VWA3A: variants seen among roughly 807,000 people sequenced by gnomAD.
The protein encoded by VWA3A is von Willebrand factor A domain containing 3A.
A neutral mutation model predicts 160.4 loss-of-function variants in VWA3A; 134 were observed. The ratio of observed to expected loss-of-function variants is 0.84; its 90% CI spans 0.73 to 0.96. The LOEUF is 0.96. Among genes scored for constraint, VWA3A ranks in the 40% least tolerant of loss-of-function variants. VWA3A has a pLI of 0.00. For synonymous variants in VWA3A, 476 were observed against 543.4 expected (o/e 0.88, Z 1.72); for missense variants, 1,310 against 1,447.9 (o/e 0.90, Z 1.55).
intron 6 of VWA3A, 89 bp downstream of exon 6, chr16:22,103,618 A>G (rs370061878): frequency 2.1e-6 from 3 of 1,444,160 alleles, no homozygotes; most frequent in East Asian, 2.5e-5. Context: ...GTAGACCTCC[A>G]ATATAAATTG....
In VWA3A at chr16:22,141,711, A is replaced by C. The variant is rs773764510; in HGVS notation, c.2494+19A>C. Reference sequence around the variant, plus strand: ...GACGTGGGTAAGTTAGAGGCTATACAGGTGTCTGGACAGCCCCCTGGCCCT... The same window carrying C: ...GACGTGGGTAAGTTAGAGGCTATACCGGTGTCTGGACAGCCCCCTGGCCCT... On this transcript the variant is annotated intron_variant, in intron 24 of 33. Coordinates refer to ENST00000389398, the MANE Select transcript of VWA3A (RefSeq NM_173615.5). The C allele has an allele frequency of 3.8e-6, 6 of 1,590,602 alleles. No homozygotes were observed. Among genetic ancestry groups the C allele is most frequent in the South Asian group, 1.1e-5 (1 of 87,510 alleles).
At chr16:22,114,995 A>G (rs2045609800) in intron 8 of VWA3A, among the ~76,000 whole-genome samples, 2 of 151,834 alleles carry the variant, frequency 1.3e-5, no homozygotes, top group African/African-American at 4.8e-5. Flanking sequence ...TTTAGTAGAG[A>G]TGGGGTTCAC....
At position 22,148,157 on chromosome 16, in the gene VWA3A, A is replaced by T; in HGVS notation, c.2840-5A>T. 1 of 1,594,696 alleles carries T rather than the reference A, an allele frequency of 6.3e-7. No homozygotes were observed. The highest frequency in any genetic ancestry group is 2.3e-5 in the East Asian group (1 of 44,196). On this transcript the variant is annotated splice_polypyrimidine_tract_variant and splice_region_variant and intron_variant, in intron 27 of 33. Coordinates refer to ENST00000389398, the MANE Select transcript of VWA3A (RefSeq NM_173615.5). ...CCTGCCTCTTCCCCACCTGTCTCGG[A>T]GCAGGGAGCCGCCGACTGTTTGGCA...
chr16:22,138,250 C>A, intron 21 of VWA3A, 110 bp from the exon 22 acceptor site: 1 of 1,348,156 alleles, frequency 7.4e-7, no homozygotes, highest in Non-Finnish European at 1.0e-6. Context: ...AAAGAGGAGT[C>A]CAGGGGACAT....
chr16:22,148,137 C>T (rs2046286503), intron 27 of VWA3A, 25 bp from the exon 28 acceptor site: 2 of 1,578,454 alleles, frequency 1.3e-6, no homozygotes, highest in Admixed American at 1.8e-5. Context: ...CCCTCCCTGC[C>T]TCTTCCCCAC....
intron 19 of VWA3A, among the ~76,000 whole-genome samples, chr16:22,132,318 G>A (rs2045962553): frequency 6.6e-6 from 1 of 151,540 alleles, no homozygotes; most frequent in Non-Finnish European, 1.5e-5. Flanking sequence ...GGAGGGGGAG[G>A]TTGCGGTGAG....
chr16:22,142,805 T>C, intron 25 of VWA3A, 40 bp downstream of exon 25: 1 of 1,444,366 alleles, frequency 6.9e-7, no homozygotes, highest in Non-Finnish European at 9.5e-7. Flanking sequence ...CATTAAGCAA[T>C]AGAGTAGTTC....
rs762016271 is a variant in VWA3A at position 22,100,229 on chromosome 16, G to A, written c.261G>A (p.Trp87Ter). ...GGAGTGAGACCCAGTCTTCAGATTGGGAGGACTCTGAAGACTGGCTTTCGG... is the reference window on the plus strand; with the variant it reads ...GGAGTGAGACCCAGTCTTCAGATTGAGAGGACTCTGAAGACTGGCTTTCGG... ...LQGSETQSSD[W>*]EDSEDWLSAH... Residue 87 changes from tryptophan to a stop codon, truncating the protein, a stop_gained, in exon 4 of 34, where the codon TGG (tryptophan) becomes TGA (stop). Transcript: ENST00000389398. LOFTEE classifies it high-confidence loss of function. 3 of 1,550,492 alleles carry A rather than the reference G, an allele frequency of 1.9e-6. No homozygotes were observed. Among genetic ancestry groups the A allele is most frequent in the Non-Finnish European group, 1.7e-6 (2 of 1,146,914 alleles).
intron 19 of VWA3A, among the ~76,000 whole-genome samples, chr16:22,132,323 G>A (rs1000692924): frequency 2.0e-5 from 3 of 151,552 alleles, no homozygotes; most frequent in East Asian, 1.9e-4. Flanking sequence ...GGGAGGTTGC[G>A]GTGAGCTGAG....
chr16:22,092,862 T>C (rs1901380783), intron 1 of VWA3A, among the ~76,000 whole-genome samples: 1 of 152,036 alleles, frequency 6.6e-6, no homozygotes, highest in African/African-American at 2.4e-5. Context: ...CAACTCCATA[T>C]GACCAAGTGA....
rs374491701 is a variant in VWA3A at position 22,131,743 on chromosome 16, G to T, written c.1872+14G>T. 1 of 1,608,972 alleles carries T rather than the reference G, an allele frequency of 6.2e-7. No homozygotes were observed. The highest frequency in any genetic ancestry group is 1.1e-5 in the South Asian group (1 of 90,254). On this transcript the variant is annotated intron_variant, in intron 19 of 33. Transcript: ENST00000389398. ...GACCAGGACATGGTGGGTAGGCCAC[G>T]TCCTGGGTGTCCATTATCCTTTGCG...
intron 14 of VWA3A, among the ~76,000 whole-genome samples, chr16:22,122,749 A>G (rs948797766): frequency 2.0e-5 from 3 of 152,158 alleles, no homozygotes; most frequent in Non-Finnish European, 2.9e-5. Flanking sequence ...TGTGCTCTCT[A>G]TTACTAAAAC....
Position 22,115,419 on chromosome 16 carries a change from G to A in VWA3A, c.762G>A (p.Lys254=). The A allele has an allele frequency of 6.2e-7, 1 of 1,606,144 alleles. No individual in the cohort carries two copies. The highest frequency in any genetic ancestry group is 8.5e-7 in the Non-Finnish European group (1 of 1,176,426). The change falls in exon 9 of 34, where the codon AAG becomes AAA. Residue 254 remains lysine, a synonymous_variant. Transcript: ENST00000389398. ...DGGSNLLQAL[K]KIFTLKGLDS... is the part of the protein sequence containing the mutation. ...GCAGCAACCTGCTACAAGCTCTGAA[G>A]AAGATCTTCACTCTCAAGGGACTGG...
chr16:22,133,113 C>T lies in VWA3A; in HGVS notation c.2068+18C>T. 1.2e-6 allele frequency: 2 copies of T among 1,603,856 alleles called. No homozygotes were observed. The highest frequency in any genetic ancestry group is 1.7e-6 in the Non-Finnish European group (2 of 1,175,066). ...AGACACAGGTACATGACTGTTTCCT[C>T]ATCCCTTCAGCTCATTCCAAACAGT... On this transcript the variant is annotated intron_variant, in intron 20 of 33. Transcript: ENST00000389398.
At chr16:22,114,486 AT>A (rs887900256) in intron 8 of VWA3A, among the ~76,000 whole-genome samples, 13 of 152,294 alleles carry the variant, frequency 8.5e-5, no homozygotes, top group African/African-American at 3.1e-4. Context: ...ACATAGCACA[AT>A]TTCTAAAAGC....
At chr16:22,150,925 C>T (rs1410302522) in intron 30 of VWA3A, 79 bp downstream of exon 30, 1 of 1,466,898 alleles carries the variant, frequency 6.8e-7, no homozygotes, top group African/African-American at 1.4e-5. Flanking sequence ...AAGCCCCTCA[C>T]CTAATCTAGC....
Position 22,149,813 on chromosome 16 carries a change from G to T in VWA3A, c.3011G>T (p.Ser1004Ile). The T allele has an allele frequency of 6.2e-7, 1 of 1,609,226 alleles. No individual in the cohort carries two copies. Among genetic ancestry groups the T allele is most frequent in the Non-Finnish European group, 8.5e-7 (1 of 1,176,770 alleles). ...DSFNLLSFAE[S>I]FQSWQDTLVE... ...TTTAACCTGCTCAGCTTTGCAGAGA[G>T]CTTTCAGTCATGGCAGGACACGCTG... is the stretch of plus-strand genomic sequence containing the variant. Residue 1004 changes from serine (S) to isoleucine (I), a missense_variant, in exon 29 of 34, where the codon AGC (serine) becomes ATC (isoleucine). By Grantham distance (142) the Ser-to-Ile change is moderately radical (BLOSUM62 -2). Transcript: ENST00000389398.
intron 27 of VWA3A, chr16:22,147,733 A>G: frequency 1.4e-6 from 1 of 696,626 alleles, no homozygotes; most frequent in Admixed American, 2.0e-5. Flanking sequence ...GAACGGTGAC[A>G]TAAAACCAGA....
Position 22,121,021 on chromosome 16 carries a change from A to G in VWA3A, c.1170A>G (p.Pro390=), listed in dbSNP as rs1405491340. The G allele has an allele frequency of 2.5e-6, 4 of 1,614,004 alleles. No individual in the cohort carries two copies. The South Asian group carries it at 4.4e-5, about 18-fold the overall frequency. ...TCATAAGCCTCTTGCCTAAACCCCC[A>G]AAGCATGACGCTCCTCTCACCATTG... ...GPLISLLPKP[P]KHDAPLTIEF... The change falls in exon 13 of 34, where the codon CCA becomes CCG. Residue 390 remains proline (P), a synonymous_variant. Coordinates refer to ENST00000389398, the MANE Select transcript of VWA3A (RefSeq NM_173615.5).
Sources: gnomAD v4.1 joint callset for allele counts (sites outside exome capture counted in the v4.1 genomes callset) on GRCh38, gnomAD v4.1.1 for gene constraint, MANE v1.5 for transcripts, NCBI Gene and HGNC (gene_info 2026-07-23, HGNC 2026-07-21) for gene names.